PPP1R9A: variants seen among roughly 807,000 people sequenced by gnomAD.
PPP1R9A encodes neurabin-1.
Under a neutral mutation model 141.9 loss-of-function variants are expected in PPP1R9A, and 59 were observed. The observed-to-expected ratio is 0.42, with a 90% CI of 0.34 to 0.52. The LOEUF (loss-of-function observed/expected upper bound fraction) is 0.52. Among genes scored for constraint, PPP1R9A ranks in the 20% least tolerant of loss-of-function variants. PPP1R9A has a pLI of 0.10. For missense variants in PPP1R9A, 1,444 were observed against 1,611.9 expected, an observed-to-expected ratio of 0.90 and a Z score of 1.78; for synonymous variants, 500 against 569.7, an observed-to-expected ratio of 0.88 and a Z score of 1.74.
chr7:94,982,176 A>T (rs1293661973), intron 2 of PPP1R9A, among the ~76,000 whole-genome samples: 2 of 152,160 alleles, frequency 1.3e-5, no homozygotes, highest in African/African-American at 4.8e-5. Flanking sequence ...ATGGCTGCAT[A>T]GTATTCCATG....
chr7:95,196,250 C>T (rs1563396959), intron 5 of PPP1R9A, among the ~76,000 whole-genome samples: 2 of 151,960 alleles, frequency 1.3e-5, no homozygotes, highest in South Asian at 2.1e-4. Context: ...GTCATCAGGG[C>T]AATGGAAATT....
intron 18 of PPP1R9A, chr7:95,287,266 T>G: frequency 8.9e-7 from 1 of 1,123,378 alleles, no homozygotes; most frequent in Non-Finnish European, 1.4e-6. Context: ...TTCCTTGTGT[T>G]AAATAGCTTT....
chr7:95,010,193 G>T (rs1166968021), intron 2 of PPP1R9A, among the ~76,000 whole-genome samples: 1 of 152,060 alleles, frequency 6.6e-6, no homozygotes, highest in East Asian at 1.9e-4. Context: ...GGAGTTTGAG[G>T]CCAGCCTGAG....
intron 2 of PPP1R9A, among the ~76,000 whole-genome samples, chr7:95,065,869 A>G (rs1014094697): frequency 6.2e-5 from 9 of 144,342 alleles, no homozygotes; most frequent in African/African-American, 2.1e-4. Flanking sequence ...AATTCAAGGA[A>G]AAAAAATAGG....
In PPP1R9A at chr7:95,286,354, C is replaced by T. The variant is rs757445162; in HGVS notation, c.3729+29C>T. 3.7e-6 allele frequency: 6 copies of T among 1,608,704 alleles called. No individual in the cohort carries two copies. The African/African-American group carries it at 6.7e-5, about 18-fold the overall frequency. On this transcript the variant is annotated intron_variant, in intron 18 of 19. Transcript: ENST00000433360. ...ATTCCATGGCACTATGACAGAGCTGCTTTGTCAAATCTGACGTTTTACCCA... is the reference window on the plus strand; with the variant it reads ...ATTCCATGGCACTATGACAGAGCTGTTTTGTCAAATCTGACGTTTTACCCA...
chr7:95,231,230 A>G (rs1011229115), intron 8 of PPP1R9A, among the ~76,000 whole-genome samples: 9 of 152,166 alleles, frequency 5.9e-5, no homozygotes, highest in Non-Finnish European at 1.3e-4. Context: ...TGCAGCTAAC[A>G]CTGGAGCTCC....
chr7:94,935,923 C>T (rs376297362), intron 2 of PPP1R9A, among the ~76,000 whole-genome samples: 33 of 152,172 alleles, frequency 2.2e-4, no homozygotes, highest in Middle Eastern at 6.8e-3. Flanking sequence ...CTCATGATAA[C>T]CATATTGCTG....
At chr7:95,244,249 T>C (rs1309949870) in intron 8 of PPP1R9A, among the ~76,000 whole-genome samples, 12 of 152,186 alleles carry the variant, frequency 7.9e-5, no homozygotes. Context: ...TATCCATTTT[T>C]GGTGAGATGG....
chr7:95,172,325 C>G (rs987337484), intron 5 of PPP1R9A, among the ~76,000 whole-genome samples: 16 of 151,580 alleles, frequency 1.1e-4, no homozygotes, highest in Admixed American at 2.0e-4. Context: ...TATTCACAGG[C>G]AATATGGTCA....
chr7:95,170,671 C>A (rs1831969351), intron 5 of PPP1R9A, among the ~76,000 whole-genome samples: 1 of 151,282 alleles, frequency 6.6e-6, no homozygotes, highest in African/African-American at 2.4e-5. Context: ...ACCTTCTATA[C>A]AGAAGCTAAA....
At chr7:95,208,811 G>A (rs766763805) in intron 7 of PPP1R9A, among the ~76,000 whole-genome samples, 5 of 151,798 alleles carry the variant, frequency 3.3e-5, no homozygotes, top group Admixed American at 6.6e-5. Context: ...TCTGTTCATC[G>A]AAAGAATACT....
intron 8 of PPP1R9A, 52 bp downstream of exon 8, chr7:95,226,168 T>C: frequency 1.3e-6 from 2 of 1,503,774 alleles, no homozygotes; most frequent in Non-Finnish European, 1.8e-6. Context: ...TTTCATTAAG[T>C]ATATATTTCT....
At chr7:94,985,433 TC>T (rs1800695851) in intron 2 of PPP1R9A, among the ~76,000 whole-genome samples, 1 of 152,160 alleles carries the variant, frequency 6.6e-6, no homozygotes, top group African/African-American at 2.4e-5. Flanking sequence ...TATTAAAGTC[TC>T]CCATTATTAT....
rs141705038 is a variant in PPP1R9A, at chr7:95,035,942, A to T, written c.1396-75317A>T. On this transcript the variant is annotated intron_variant, in intron 2 of 19. Transcript: ENST00000433360. ...TCCTATTTAGGTAGAGGCCAATAAG[A>T]TGATAGCTGGAAAAGCTTCGATTGT... 5.8e-4 allele frequency: 89 copies of T among 152,314 alleles called. No individual in the cohort carries two copies. In the East Asian group the frequency reaches 0.017, roughly 29 times the overall value. The allele number at this position is 152,314 out of a possible 1,614,324, so 9.4% of individuals were successfully genotyped here. A position where few individuals can be genotyped will look rare whatever the true frequency, so the allele number is the denominator to read the frequency against.
intron 12 of PPP1R9A, among the ~76,000 whole-genome samples, chr7:95,258,765 T>G (rs1054258773): frequency 1.3e-5 from 2 of 152,138 alleles, no homozygotes; most frequent in African/African-American, 4.8e-5. Context: ...TCAACTTCAC[T>G]GGCAAAAATC....
chr7:94,920,475 T>C (rs1160675808), intron 2 of PPP1R9A, among the ~76,000 whole-genome samples: 1 of 152,194 alleles, frequency 6.6e-6, no homozygotes, highest in African/African-American at 2.4e-5. Context: ...CAGGAAATTT[T>C]ATATTTTAGG....
intron 10 of PPP1R9A, among the ~76,000 whole-genome samples, chr7:95,251,343 A>G (rs1798845811): frequency 6.6e-6 from 1 of 152,120 alleles, no homozygotes; most frequent in South Asian, 2.1e-4. Context: ...ACTGTTATTC[A>G]TAGAAATCTT....
intron 5 of PPP1R9A, among the ~76,000 whole-genome samples, chr7:95,192,887 A>G (rs1835713253): frequency 6.6e-6 from 1 of 152,140 alleles, no homozygotes; most frequent in South Asian, 2.1e-4. Flanking sequence ...TACAGGACAT[A>G]TTTATAAAGA....
At chr7:95,091,574 C>G (rs1477349171) in intron 2 of PPP1R9A, among the ~76,000 whole-genome samples, 1 of 151,742 alleles carries the variant, frequency 6.6e-6, no homozygotes, top group African/African-American at 2.4e-5. Flanking sequence ...GAACTCCTGA[C>G]CTCAAGTGAT....
Sources: gnomAD v4.1 joint callset for allele counts (sites outside exome capture counted in the v4.1 genomes callset) on GRCh38, gnomAD v4.1.1 for gene constraint, MANE v1.5 for transcripts, NCBI Gene and HGNC (gene_info 2026-07-23, HGNC 2026-07-21) for gene names.